The following CADPS variants were observed in gnomAD, a reference collection of about 807,000 sequenced individuals.
The protein encoded by CADPS is calcium-dependent secretion activator 1.
A neutral mutation model predicts 167.3 loss-of-function variants in CADPS; 57 were observed. That is an observed-to-expected ratio of 0.34 (90% CI 0.28 to 0.42). CADPS has a LOEUF of 0.42. Among genes scored for constraint, CADPS ranks in the 20% least tolerant of loss-of-function variants. The pLI is 1.00. For synonymous variants in CADPS, 676 were observed against 635.3 expected (o/e 1.06, Z -0.96); for missense variants, 1,414 against 1,738.1 (o/e 0.81, Z 3.32).
At chr3:62,873,286 C>T (rs147506190) in intron 1 of CADPS, among the ~76,000 whole-genome samples, 3 of 152,314 alleles carry the variant, frequency 2.0e-5, no homozygotes, top group African/African-American at 4.8e-5. Flanking sequence ...TGGATAAATA[C>T]GGAAAACCTA....
chr3:62,705,078 C>T (rs548630280), intron 3 of CADPS, among the ~76,000 whole-genome samples: 3 of 152,204 alleles, frequency 2.0e-5, no homozygotes, highest in South Asian at 4.1e-4. Context: ...AGTAACATTC[C>T]TTCAAGTAAG....
chr3:62,764,518 G>A (rs191785796), intron 2 of CADPS, among the ~76,000 whole-genome samples: 142 of 152,300 alleles, frequency 9.3e-4, no homozygotes, highest in Non-Finnish European at 1.6e-3. Flanking sequence ...TGGTCCCAGC[G>A]AACATCACAA....
At chr3:62,815,861 G>A (rs1455900062) in intron 1 of CADPS, among the ~76,000 whole-genome samples, 1 of 152,114 alleles carries the variant, frequency 6.6e-6, no homozygotes, top group Non-Finnish European at 1.5e-5. Flanking sequence ...TTACTTAAAA[G>A]AAGGAAAGAT....
At chr3:62,529,798 T>C (rs2073227829) in intron 13 of CADPS, among the ~76,000 whole-genome samples, 1 of 152,212 alleles carries the variant, frequency 6.6e-6, no homozygotes, top group Admixed American at 6.5e-5. Context: ...AAATTTATAA[T>C]GATGAAGCAT....
intron 6 of CADPS, among the ~76,000 whole-genome samples, chr3:62,614,132 T>C (rs966988276): frequency 6.6e-6 from 1 of 152,220 alleles, no homozygotes; most frequent in Admixed American, 6.5e-5. Context: ...CTCCTATTTA[T>C]TGAGCACTTA....
At chr3:62,411,072 C>T (rs2048865102) in intron 28 of CADPS, among the ~76,000 whole-genome samples, 1 of 152,112 alleles carries the variant, frequency 6.6e-6, no homozygotes, top group South Asian at 2.1e-4. Flanking sequence ...CACTGTACTC[C>T]AGCCTGGGGA....
intron 6 of CADPS, among the ~76,000 whole-genome samples, chr3:62,629,559 A>C (rs775814527): frequency 6.6e-6 from 1 of 152,214 alleles, no homozygotes; most frequent in African/African-American, 2.4e-5. Context: ...AAAGCTATTA[A>C]GTACCCTGCA....
At chr3:62,492,554 C>A in intron 19 of CADPS, 108 bp from the exon 20 acceptor site, 1 of 1,068,000 alleles carries the variant, frequency 9.4e-7, no homozygotes, top group Admixed American at 2.1e-5. Context: ...GTGCATCCAG[C>A]AGGGTTTGGT....
intron 28 of CADPS, among the ~76,000 whole-genome samples, chr3:62,427,171 C>A (rs530447165): frequency 6.6e-6 from 1 of 151,892 alleles, no homozygotes; most frequent in African/African-American, 2.4e-5. Context: ...TTTGTTGAAG[C>A]ATTAATGCTC....
In CADPS at chr3:62,601,374, T is replaced by C. The variant is rs1340990001; in HGVS notation, c.1326-8626A>G. ...TATAGGGCCAACAAACCGAAAATTT[T>C]TACTTTCTGGTCCTTTATAGAAAAA... On this transcript the variant is annotated intron_variant, in intron 6 of 29. Coordinates refer to ENST00000383710, the MANE Select transcript of CADPS (RefSeq NM_003716.4). This position sits in a 1 kb window ranked among gnomAD's most constrained non-coding sequence, Gnocchi z 4.3. Among the ~76,000 whole-genome samples the C allele has an allele frequency of 6.6e-6, 1 of 152,224 alleles. No individual in the cohort carries two copies.
chr3:62,717,345 A>G (rs920738870), intron 3 of CADPS, among the ~76,000 whole-genome samples: 3 of 152,200 alleles, frequency 2.0e-5, no homozygotes, highest in African/African-American at 7.2e-5. Context: ...CATTTATTAC[A>G]CAACCCAATA....
At chr3:62,839,980 G>A (rs1303632053) in intron 1 of CADPS, among the ~76,000 whole-genome samples, 2 of 152,158 alleles carry the variant, frequency 1.3e-5, no homozygotes, top group Admixed American at 6.5e-5. Context: ...GGGATGGGCA[G>A]GGAATGATGA....
chr3:62,428,711 G>A (rs1049733177), intron 28 of CADPS, among the ~76,000 whole-genome samples: 6 of 152,186 alleles, frequency 3.9e-5, no homozygotes, highest in African/African-American at 1.4e-4. Flanking sequence ...CATCCAGAGA[G>A]GAAGGGCTAC....
chr3:62,790,488 A>G (rs924647749), intron 1 of CADPS, among the ~76,000 whole-genome samples: 3 of 152,160 alleles, frequency 2.0e-5, no homozygotes, highest in Admixed American at 6.5e-5. Flanking sequence ...TAAGAAATGG[A>G]AGTAAACAGT....
rs34263556 is a variant in CADPS, at chr3:62,475,584, G to GAAAAAAAAAA, written c.3330-1274_3330-1265dup. Among the ~76,000 whole-genome samples, 9 of 55,944 alleles carry GAAAAAAAAAA rather than the reference G, an allele frequency of 1.6e-4. 1 individual carries two copies. Among genetic ancestry groups the GAAAAAAAAAA allele is most frequent in the East Asian group, 1.4e-3 (2 of 1,458 alleles). 36.7% of individuals were successfully genotyped at this position (55,944 alleles called of 152,430 possible). A position where few individuals can be genotyped will look rare whatever the true frequency, so the allele number is the denominator to read the frequency against. On this transcript the variant is annotated intron_variant, in intron 23 of 29. Coordinates refer to ENST00000383710, the MANE Select transcript of CADPS (RefSeq NM_003716.4). ...CTAAGGTTGGGAGCCCAGTTCTTAA[G>GAAAAAAAAAA]AAAAAAAAAAAAAAAAAAAAAAAAA...
At chr3:62,705,447 A>G (rs898116644) in intron 3 of CADPS, among the ~76,000 whole-genome samples, 2 of 152,110 alleles carry the variant, frequency 1.3e-5, no homozygotes, top group African/African-American at 4.8e-5. Flanking sequence ...GGACTGAAGG[A>G]TGCAAAGTAT....
At chr3:62,611,317 G>C (rs1364022020) in intron 6 of CADPS, among the ~76,000 whole-genome samples, 1 of 152,070 alleles carries the variant, frequency 6.6e-6, no homozygotes, top group Non-Finnish European at 1.5e-5. Flanking sequence ...CAAACCTGTT[G>C]GTCTGATCTT....
At chr3:62,681,101 A>G (rs79683101) in intron 3 of CADPS, among the ~76,000 whole-genome samples, 409 of 152,050 alleles carry the variant, frequency 2.7e-3, no homozygotes, top group Non-Finnish European at 4.6e-3. Flanking sequence ...TTGGCTGGGA[A>G]CACATCTGTG....
At position 62,753,552 on chromosome 3, in the gene CADPS, TGTCATCCGG is replaced by T. The variant is rs1413256966; in HGVS notation, c.768_776del (p.Arg257_Thr259del). 1 of 1,614,034 alleles carries T rather than the reference TGTCATCCGG, an allele frequency of 6.2e-7. No individual in the cohort carries two copies. Among genetic ancestry groups the T allele is most frequent in the Non-Finnish European group, 8.5e-7 (1 of 1,180,022 alleles). On this transcript the variant is annotated inframe_deletion, in exon 3 of 30. Coordinates refer to ENST00000383710, the MANE Select transcript of CADPS (RefSeq NM_003716.4). This position sits in a 1 kb window ranked among gnomAD's most constrained non-coding sequence, Gnocchi z 4.6. ...GAATCAGCTCGGAGGCTGCGCTGGC[TGTCATCCGG>T]GCCTGCTGCTTCCGCGGGTCCTCTT...
Sources: allele counts gnomAD v4.1 joint callset (sites outside exome capture counted in the v4.1 genomes callset), GRCh38; gene constraint gnomAD v4.1.1; non-coding constraint Gnocchi (gnomAD v3.1); transcripts MANE v1.5; gene names NCBI Gene and HGNC (gene_info 2026-07-23, HGNC 2026-07-21).